The following MBP variants were observed in gnomAD, a reference collection of about 807,000 sequenced individuals.
MBP encodes the protein myelin basic protein, also known as Golli-MBP.
MBP carries 16 observed loss-of-function variants against 35.8 expected under a neutral mutation model. That is an observed-to-expected ratio of 0.45 (90% CI 0.30 to 0.68). The LOEUF is 0.68. Ranked by LOEUF, MBP falls within the 30% of genes least tolerant of loss-of-function variation. The probability of loss-of-function intolerance (pLI) is 0.08; values close to 1 mark genes in which losing one functional copy is unlikely to be tolerated. For synonymous variants in MBP, 143 were observed against 159.6 expected, an observed-to-expected ratio of 0.90 and a Z score of 0.78; for missense variants, 380 against 404.7, an observed-to-expected ratio of 0.94 and a Z score of 0.52.
At chr18:77,047,598 T>G (rs747679316) in intron 3 of MBP, among the ~76,000 whole-genome samples, 22 of 152,206 alleles carry the variant, frequency 1.4e-4, no homozygotes, top group Non-Finnish European at 2.4e-4. Flanking sequence ...TAAAAACCGT[T>G]AATGTGTACA....
chr18:77,110,653 A>C (rs1382281478), intron 1 of MBP: 1 of 152,116 alleles, frequency 6.6e-6, no homozygotes, highest in Non-Finnish European at 1.5e-5. Flanking sequence ...GTTGCTGGTC[A>C]CCGCCGGACA....
At position 77,103,915 on chromosome 18, in the gene MBP, G is replaced by T. The variant is rs80214540; in HGVS notation, c.51+1296C>A. On this transcript the variant is annotated intron_variant, in intron 2 of 8. Transcript: ENST00000355994. ...GGAAGCTGATGCCTTCAAATAAGGCGGACAATGGCAAATGCCGTGCTAGAA... is the reference window on the plus strand; with the variant it reads ...GGAAGCTGATGCCTTCAAATAAGGCTGACAATGGCAAATGCCGTGCTAGAA... Among the ~76,000 whole-genome samples the T allele has an allele frequency of 7.9e-5, 12 of 152,350 alleles. No individual in the cohort carries two copies. In the South Asian group the frequency reaches 2.1e-3, roughly 26 times the overall value.
intron 1 of MBP, among the ~76,000 whole-genome samples, chr18:77,124,431 A>C (rs1976980401): frequency 6.6e-6 from 1 of 151,930 alleles, no homozygotes; most frequent in Non-Finnish European, 1.5e-5. Flanking sequence ...TCTGGCCACC[A>C]CGCCTCCCAC....
At chr18:77,116,135 G>A (rs2145190350) in intron 1 of MBP, among the ~76,000 whole-genome samples, 1 of 150,544 alleles carries the variant, frequency 6.6e-6, no homozygotes, top group South Asian at 2.1e-4. Flanking sequence ...CTCCTGAGGG[G>A]CCCCACATCT....
chr18:76,985,875 C>T (rs527303838), intron 7 of MBP: 16 of 988,556 alleles, frequency 1.6e-5, no homozygotes, highest in East Asian at 1.1e-4. Flanking sequence ...AAGAGCAGGC[C>T]GCCCTGCCCT....
At chr18:77,069,638 C>G (rs1298089152) in intron 2 of MBP, among the ~76,000 whole-genome samples, 1 of 152,204 alleles carries the variant, frequency 6.6e-6, no homozygotes, top group Admixed American at 6.5e-5. Context: ...CTTTAAATCA[C>G]AGCACTTTGC....
intron 8 of MBP, chr18:76,982,065 G>A (rs1969235297): frequency 6.6e-6 from 1 of 152,166 alleles, no homozygotes; most frequent in African/African-American, 2.4e-5. Context: ...TTTTATCATT[G>A]AAACTACAAT....
chr18:77,033,051 T>C (rs1167239695), intron 3 of MBP, among the ~76,000 whole-genome samples: 1 of 152,134 alleles, frequency 6.6e-6, no homozygotes, highest in Non-Finnish European at 1.5e-5. Flanking sequence ...CACTGTAGCC[T>C]CCACCTCCCA....
At chr18:77,126,460 G>A (rs1789081) in intron 1 of MBP, among the ~76,000 whole-genome samples, 66,688 of 152,012 alleles carry the variant, frequency 0.44, 14,924 homozygotes, top group South Asian at 0.5. Flanking sequence ...TAAAAACTCA[G>A]TGCTTTGCCC....
chr18:77,019,727 C>T (rs543325783), intron 3 of MBP, among the ~76,000 whole-genome samples: 124 of 152,270 alleles, frequency 8.1e-4, no homozygotes, highest in Admixed American at 5.0e-3. Flanking sequence ...AAGGTCCTTG[C>T]GGAAATGACA....
upstream of MBP, among the ~76,000 whole-genome samples, chr18:77,133,150 C>T (rs529630883): frequency 6.6e-6 from 1 of 152,318 alleles, no homozygotes; most frequent in South Asian, 2.1e-4. Flanking sequence ...TCCCCGCGTC[C>T]TCAGGGGCTG....
At chr18:77,079,074 G>A (rs1974778599) in intron 2 of MBP, among the ~76,000 whole-genome samples, 1 of 152,236 alleles carries the variant, frequency 6.6e-6, no homozygotes, top group Admixed American at 6.5e-5. Flanking sequence ...CCTGACAAAC[G>A]ACCAACCCTT....
chr18:77,014,350 AG>A (rs1247412524), intron 4 of MBP: 1 of 985,176 alleles, frequency 1.0e-6, no homozygotes, highest in Non-Finnish European at 1.2e-6. Flanking sequence ...CCCCTTTTAT[AG>A]GGTCATGGGG....
intron 3 of MBP, among the ~76,000 whole-genome samples, chr18:77,063,896 A>ATGTGTG (rs10554697): frequency 4.0e-5 from 6 of 149,742 alleles, no homozygotes; most frequent in Non-Finnish European, 8.9e-5. Flanking sequence ...ACCTATACAT[A>ATGTGTG]TGTGTGTGTG....
chr18:77,097,950 G>A (rs1384481926), intron 2 of MBP, among the ~76,000 whole-genome samples: 4 of 151,998 alleles, frequency 2.6e-5, no homozygotes. Flanking sequence ...GCTTATGCTT[G>A]TCTCAACCCT....
intron 1 of MBP, chr18:77,115,090 GGC>G (rs1976613472): frequency 6.6e-6 from 1 of 152,272 alleles, no homozygotes; most frequent in Non-Finnish European, 1.5e-5. Flanking sequence ...ACTACACGCT[GGC>G]ACCAGCTGCT....
At position 76,980,437 on chromosome 18, in the gene MBP, G is replaced by A; in HGVS notation, c.905C>T (p.Ala302Val). 6.2e-7 allele frequency: 1 copy of A among 1,613,768 alleles called. No homozygotes were observed. Among genetic ancestry groups the A allele is most frequent in the Non-Finnish European group, 8.5e-7 (1 of 1,179,728 alleles). Residue 302 changes from alanine to valine, a missense_variant, in exon 9 of 9, where the codon GCT (alanine) becomes GTT (valine). Transcript: ENST00000355994. Reference sequence around the variant, plus strand: ...GAACCAGGTGGGTTTTCAGCGTCTAGCCATGGGTGATCCAGAGCGACTATC... The same window carrying A: ...GAACCAGGTGGGTTTTCAGCGTCTAACCATGGGTGATCCAGAGCGACTATC... ...GRDSRSGSPM[A>V]RR is the part of the protein sequence containing the mutation.
At chr18:77,076,348 C>G (rs1974650348) in intron 2 of MBP, among the ~76,000 whole-genome samples, 1 of 152,238 alleles carries the variant, frequency 6.6e-6, no homozygotes, top group Non-Finnish European at 1.5e-5. Flanking sequence ...GAGTGCCCCA[C>G]AGGGGAGTCC....
intron 4 of MBP, chr18:77,012,753 G>A (rs967684796): frequency 2.6e-5 from 26 of 983,808 alleles, no homozygotes; most frequent in African/African-American, 3.5e-5. Flanking sequence ...AACCAAAAAC[G>A]ACAAATTAAA....
Sources: allele counts gnomAD v4.1 joint callset (sites outside exome capture counted in the v4.1 genomes callset), GRCh38; gene constraint gnomAD v4.1.1; transcripts MANE v1.5; gene names NCBI Gene and HGNC (gene_info 2026-07-23, HGNC 2026-07-21).